OR5B2: variants seen among roughly 807,000 people sequenced by gnomAD.
OR5B2 encodes the protein olfactory receptor family 5 subfamily B member 2.
For synonymous variants in OR5B2, 163 were observed against 140.8 expected, an observed-to-expected ratio of 1.16 and a Z score of -1.11; for missense variants, 411 against 367.0, an observed-to-expected ratio of 1.12 and a Z score of -0.98.
rs753412750 is a variant in OR5B2 at position 58,423,017 on chromosome 11, C to A, written c.245G>T (p.Gly82Val). ...SSAVTPKVMA[G>V]FLRGDKVISY... Reference sequence around the variant, plus strand: ...GATGACCTTGTCTCCTCTAAGGAACCCAGCCATGACCTTGGGAGTGACAGC... The same window carrying A: ...GATGACCTTGTCTCCTCTAAGGAACACAGCCATGACCTTGGGAGTGACAGC... Residue 82 changes from glycine to valine, a missense_variant, in exon 3 of 3, where the codon GGG (glycine) becomes GTG (valine). By Grantham distance (109) the Gly-to-Val change is moderately radical. Coordinates refer to ENST00000641342, the MANE Select transcript of OR5B2 (RefSeq NM_001005566.3). The A allele has an allele frequency of 6.2e-7, 1 of 1,613,598 alleles. No homozygotes were observed. The highest frequency in any genetic ancestry group is 1.3e-5 in the African/African-American group (1 of 74,870).
At chr11:58,427,901 C>T (rs559784970) in intron 1 of OR5B2, 118 bp downstream of exon 1, 4 of 152,126 alleles carry the variant, frequency 2.6e-5, no homozygotes, top group South Asian at 2.1e-4. Flanking sequence ...ACTTAAGGAC[C>T]AATGGAAGGA....
chr11:58,423,320 G>T, intron 2 of OR5B2, 31 bp from the exon 3 acceptor site: 1 of 1,030,216 alleles, frequency 9.7e-7, no homozygotes, highest in South Asian at 1.9e-5. Context: ...GCAATAGAGT[G>T]ATAAACAAAA....
At position 58,422,363 on chromosome 11, in the gene OR5B2, T is replaced by C; in HGVS notation, c.899A>G (p.Lys300Arg). 1 of 1,610,456 alleles carries C rather than the reference T, an allele frequency of 6.2e-7. No homozygotes were observed. The highest frequency in any genetic ancestry group is 8.5e-7 in the Non-Finnish European group (1 of 1,177,228). Reference protein sequence around the residue: ...LRNREVQNAFKKVLRRQKFL With the variant: ...LRNREVQNAFRKVLRRQKFL ...AAATTTTTGCCTTCTCAACACTTTC[T>C]TGAATGCATTCTGGACTTCTCTGTT... is the stretch of plus-strand genomic sequence containing the variant. Residue 300 changes from lysine to arginine, a missense_variant, in exon 3 of 3, where the codon AAG (lysine) becomes AGG (arginine). Physicochemically the swap from Lys to Arg is conservative, Grantham distance 26 (BLOSUM62 2). Transcript: ENST00000641342.
chr11:58,422,282 G>C lies in OR5B2; in HGVS notation c.*50C>G. On this transcript the variant is annotated 3_prime_UTR_variant, in exon 3 of 3. Transcript: ENST00000641342. ...AACTCATTGCATGAGGAAAGTCTGA[G>C]ATGAGGGAAACAACATTTTTGTGTA... The C allele has an allele frequency of 8.5e-7, 1 of 1,179,778 alleles. No individual in the cohort carries two copies. Among genetic ancestry groups the C allele is most frequent in the Non-Finnish European group, 1.2e-6 (1 of 808,328 alleles). 73.1% of individuals were successfully genotyped at this position (1,179,778 alleles called of 1,614,324 possible). A position where few individuals can be genotyped will look rare whatever the true frequency, so the allele number is the denominator to read the frequency against.
At position 58,425,371 on chromosome 11, in the gene OR5B2, A is replaced by G. The variant is rs964040683; in HGVS notation, c.-29+1251T>C. Among the ~76,000 whole-genome samples, 3 of 152,078 alleles carry G rather than the reference A, an allele frequency of 2.0e-5. 1 individual carries two copies. The South Asian group carries it at 6.2e-4, about 31-fold the overall frequency. On this transcript the variant is annotated intron_variant, in intron 2 of 2. Transcript: ENST00000641342. Reference sequence around the variant, plus strand: ...CCTCAGCATATGTTTTTAGAAAAAAAATATTTAAAGCATCTACTTCTGTTC... The same window carrying G: ...CCTCAGCATATGTTTTTAGAAAAAAGATATTTAAAGCATCTACTTCTGTTC...
intron 2 of OR5B2, 152 bp from the exon 3 acceptor site, chr11:58,423,441 C>T: frequency 4.3e-6 from 2 of 466,410 alleles, no homozygotes; most frequent in South Asian, 5.0e-5. Flanking sequence ...ATCTTTAATG[C>T]ATTATCTACA....
Position 58,423,297 on chromosome 11 carries a change from A to C in OR5B2, c.-28-8T>G. 7.7e-7 allele frequency: 1 copy of C among 1,304,160 alleles called. No individual in the cohort carries two copies. The highest frequency in any genetic ancestry group is 1.1e-6 in the Non-Finnish European group (1 of 937,052). 80.8% of individuals were successfully genotyped at this position (1,304,160 alleles called of 1,614,324 possible). A position where few individuals can be genotyped will look rare whatever the true frequency, so the allele number is the denominator to read the frequency against. ...TGAGAAACTTAAGATGACCTGTAGC[A>C]ATGAGAAATAAAGCAATAGAGTGAT... On this transcript the variant is annotated splice_region_variant and splice_polypyrimidine_tract_variant and intron_variant, in intron 2 of 2. Transcript: ENST00000641342.
At position 58,423,294 on chromosome 11, in the gene OR5B2, A is replaced by G. The variant is rs780062511; in HGVS notation, c.-28-5T>C. On this transcript the variant is annotated splice_region_variant and splice_polypyrimidine_tract_variant and intron_variant, in intron 2 of 2. Transcript: ENST00000641342. Reference sequence around the variant, plus strand: ...ATCTGAGAAACTTAAGATGACCTGTAGCAATGAGAAATAAAGCAATAGAGT... The same window carrying G: ...ATCTGAGAAACTTAAGATGACCTGTGGCAATGAGAAATAAAGCAATAGAGT... The G allele has an allele frequency of 2.2e-6, 3 of 1,345,856 alleles. No individual in the cohort carries two copies. Among genetic ancestry groups the G allele is most frequent in the African/African-American group, 2.9e-5 (2 of 68,484 alleles). 83.4% of individuals were successfully genotyped at this position (1,345,856 alleles called of 1,614,324 possible). A position where few individuals can be genotyped will look rare whatever the true frequency, so the allele number is the denominator to read the frequency against.
In OR5B2 at chr11:58,423,968, G is replaced by A. The variant is rs532210805; in HGVS notation, c.-28-679C>T. Among the ~76,000 whole-genome samples, 21 of 152,256 alleles carry A rather than the reference G, an allele frequency of 1.4e-4. 2 individuals are homozygous for A. The South Asian group carries it at 4.4e-3, about 32-fold the overall frequency. ...GGTCTCAGGATAGCTGGAGAAGTAG[G>A]GAAATGTGCAACTAGCAAAGGCAAT... is the stretch of plus-strand genomic sequence containing the variant. On this transcript the variant is annotated intron_variant, in intron 2 of 2. Transcript: ENST00000641342.
chr11:58,422,640 C>G lies in OR5B2; in HGVS notation c.622G>C (p.Val208Leu), dbSNP rs765886541. The G allele has an allele frequency of 5.3e-5, 86 of 1,612,922 alleles. No homozygotes were observed. Among genetic ancestry groups the G allele is most frequent in the Non-Finnish European group, 6.4e-5 (76 of 1,179,580 alleles). ...TAGGAGATAAAGATAACTAGAAGAACAAAAAAGATATTAAAGCTTGACATA... is the reference window on the plus strand; with the variant it reads ...TAGGAGATAAAGATAACTAGAAGAAGAAAAAAGATATTAAAGCTTGACATA... ...VFMSSFNIFFVLLVIFISYLF... is the reference protein window; with the variant it reads ...VFMSSFNIFFLLLVIFISYLF... Residue 208 changes from valine (V) to leucine (L), a missense_variant, in exon 3 of 3, where the codon GTT (valine) becomes CTT (leucine). By Grantham distance (32) the Val-to-Leu change is conservative (BLOSUM62 1). Coordinates refer to ENST00000641342, the MANE Select transcript of OR5B2 (RefSeq NM_001005566.3).
intron 1 of OR5B2, among the ~76,000 whole-genome samples, chr11:58,427,477 C>T (rs938737205): frequency 6.6e-6 from 1 of 152,152 alleles, no homozygotes; most frequent in Non-Finnish European, 1.5e-5. Context: ...TGTATAAACA[C>T]TTACGCACTT....
intron 2 of OR5B2, among the ~76,000 whole-genome samples, chr11:58,424,218 C>T (rs1855313800): frequency 6.6e-6 from 1 of 152,120 alleles, no homozygotes; most frequent in African/African-American, 2.4e-5. Flanking sequence ...AAATGTTTAG[C>T]ACAGTCTGAT....
Position 58,422,026 on chromosome 11 carries a change from G to A in OR5B2, c.*306C>T, listed in dbSNP as rs944787628. 9 of 212,704 alleles carry A rather than the reference G, an allele frequency of 4.2e-5. No homozygotes were observed. The highest frequency in any genetic ancestry group is 3.6e-4 in the Admixed American group (7 of 19,348). 13.2% of individuals were successfully genotyped at this position (212,704 alleles called of 1,614,324 possible). A position where few individuals can be genotyped will look rare whatever the true frequency, so the allele number is the denominator to read the frequency against. On this transcript the variant is annotated 3_prime_UTR_variant, in exon 3 of 3. Coordinates refer to ENST00000641342, the MANE Select transcript of OR5B2 (RefSeq NM_001005566.3). ...GCTTGTTGGTGTCCCTGTTTAACAA[G>A]TATGTTTGCACTGGAATGTGGTAGA... is the stretch of plus-strand genomic sequence containing the variant.
chr11:58,427,548 C>A (rs1334365529), intron 1 of OR5B2, among the ~76,000 whole-genome samples: 1 of 152,096 alleles, frequency 6.6e-6, no homozygotes, highest in Non-Finnish European at 1.5e-5. Context: ...AGAATGGATG[C>A]TTTGCCAGAA....
intron 2 of OR5B2, among the ~76,000 whole-genome samples, chr11:58,424,596 G>A (rs1855317268): frequency 6.6e-6 from 1 of 151,966 alleles, no homozygotes; most frequent in African/African-American, 2.4e-5. Flanking sequence ...TCGTTCGTGG[G>A]TTTCCTTTAG....
At chr11:58,423,317 A>G in intron 2 of OR5B2, 28 bp from the exon 3 acceptor site, 1 of 1,065,470 alleles carries the variant, frequency 9.4e-7, no homozygotes, top group Non-Finnish European at 1.4e-6. Flanking sequence ...AAAGCAATAG[A>G]GTGATAAACA....
rs79043861 is a variant in OR5B2, at chr11:58,422,687, G to A, written c.575C>T (p.Thr192Ile). 6 of 1,613,514 alleles carry A rather than the reference G, an allele frequency of 3.7e-6. No homozygotes were observed. The African/African-American group carries it at 6.7e-5, about 18-fold the overall frequency. The change falls in exon 3 of 3, where the codon ACT becomes ATT. Residue 192 changes from threonine (T) to isoleucine (I), a missense_variant. Physicochemically the swap from Thr to Ile is moderately conservative, Grantham distance 89. Coordinates refer to ENST00000641342, the MANE Select transcript of OR5B2 (RefSeq NM_001005566.3). ...CATAAAAACCAGAATCACCTCACTA[G>A]TGTGTTTATCAGAGCAAGACAGAGC... ...VMALSCSDKH[T>I]SEVILVFMSS...
In OR5B2 at chr11:58,423,003, C is replaced by A; in HGVS notation, c.259G>T (p.Asp87Tyr). The A allele has an allele frequency of 6.2e-7, 1 of 1,613,836 alleles. No individual in the cohort carries two copies. Among genetic ancestry groups the A allele is most frequent in the East Asian group, 2.2e-5 (1 of 44,852 alleles). ...PKVMAGFLRG[D>Y]KVISYNACAV... ...CATGCATTGTAGGAGATGACCTTGTCTCCTCTAAGGAACCCAGCCATGACC... is the reference window on the plus strand; with the variant it reads ...CATGCATTGTAGGAGATGACCTTGTATCCTCTAAGGAACCCAGCCATGACC... The change falls in exon 3 of 3, where the codon GAC (aspartate) becomes TAC (tyrosine). Residue 87 changes from aspartate to tyrosine, a missense_variant. Coordinates refer to ENST00000641342, the MANE Select transcript of OR5B2 (RefSeq NM_001005566.3).
At position 58,422,618 on chromosome 11, in the gene OR5B2, G is replaced by A. The variant is rs1480766283; in HGVS notation, c.644C>T (p.Ser215Phe). ...GATGGTGATGAATATGAACAAGTAG[G>A]AGATAAAGATAACTAGAAGAACAAA... Reference protein sequence around the residue: ...IFFVLLVIFISYLFIFITILK... With the variant: ...IFFVLLVIFIFYLFIFITILK... Residue 215 changes from serine (S) to phenylalanine (F), a missense_variant, in exon 3 of 3, where the codon TCC becomes TTC. By Grantham distance (155) the Ser-to-Phe change is radical. Transcript: ENST00000641342. 1.2e-6 allele frequency: 2 copies of A among 1,613,576 alleles called. No individual in the cohort carries two copies. The highest frequency in any genetic ancestry group is 2.7e-5 in the African/African-American group (2 of 74,872).
Sources: allele counts gnomAD v4.1 joint callset (sites outside exome capture counted in the v4.1 genomes callset), GRCh38; gene constraint gnomAD v4.1.1; transcripts MANE v1.5; gene names NCBI Gene and HGNC (gene_info 2026-07-23, HGNC 2026-07-21).